DOCK10: variants seen among roughly 807,000 people sequenced by gnomAD.
DOCK10 encodes the protein dedicator of cytokinesis protein 10.
A neutral mutation model predicts 280.1 loss-of-function variants in DOCK10; 145 were observed. The observed-to-expected ratio is 0.52, with a 90% CI of 0.45 to 0.59. The LOEUF (loss-of-function observed/expected upper bound fraction) is 0.59. Ranked by LOEUF, DOCK10 falls within the 20% of genes least tolerant of loss-of-function variation. DOCK10 has a pLI of 0.00. For synonymous variants in DOCK10, 915 were observed against 942.2 expected, an observed-to-expected ratio of 0.97 and a Z score of 0.53; for missense variants, 2,368 against 2,651.7, an observed-to-expected ratio of 0.89 and a Z score of 2.35.
rs114400418 is a variant in DOCK10, at chr2:224,779,068, A to C, written c.5656-784T>G. The stretch of plus-strand genomic sequence containing the variant: ...TATTTGTCTGGTTTGAAGCAGGGGG[A>C]AGGGAAGATTCTATTAGCTGCAGAT... On this transcript the variant is annotated intron_variant, in intron 50 of 55. Transcript: ENST00000258390. Among the ~76,000 whole-genome samples the C allele has an allele frequency of 3.2e-3, 486 of 152,098 alleles. 1 individual carries two copies. Among genetic ancestry groups the C allele is most frequent in the African/African-American group, 0.01 (431 of 41,470 alleles).
chr2:224,886,609 T>C, intron 4 of DOCK10, 78 bp from the exon 5 acceptor site: 1 of 1,111,228 alleles, frequency 9.0e-7, no homozygotes, highest in Non-Finnish European at 1.3e-6. Flanking sequence ...CAGGTAACAA[T>C]AACAACTATG....
chr2:224,983,643 A>G (rs1327736692), intron 1 of DOCK10: 3 of 403,236 alleles, frequency 7.4e-6, no homozygotes, highest in African/African-American at 6.3e-5. Context: ...AGCATCTAGC[A>G]TGATGCTCAA....
At chr2:224,940,236 T>C (rs1702953123) in intron 1 of DOCK10, among the ~76,000 whole-genome samples, 1 of 152,220 alleles carries the variant, frequency 6.6e-6, no homozygotes, top group Non-Finnish European at 1.5e-5. Flanking sequence ...CATTTCCCAC[T>C]GTTCTGAGCT....
intron 27 of DOCK10, among the ~76,000 whole-genome samples, chr2:224,827,286 A>C (rs1694932988): frequency 6.6e-6 from 1 of 151,824 alleles, no homozygotes; most frequent in South Asian, 2.1e-4. Flanking sequence ...AAAAGTAAAG[A>C]AAAAAGATGA....
At chr2:224,792,663 A>G (rs1692280073) in intron 47 of DOCK10, among the ~76,000 whole-genome samples, 1 of 152,240 alleles carries the variant, frequency 6.6e-6, no homozygotes, top group Admixed American at 6.5e-5. Flanking sequence ...ACAATTTACC[A>G]ATTTCAGAAT....
chr2:224,934,327 A>G (rs887153356), intron 1 of DOCK10, among the ~76,000 whole-genome samples: 2 of 152,200 alleles, frequency 1.3e-5, no homozygotes, highest in African/African-American at 4.8e-5. Flanking sequence ...CAGCAGATCT[A>G]CTTCATGTAA....
At chr2:224,867,073 A>AACACACAC (rs1418132537) in intron 11 of DOCK10, among the ~76,000 whole-genome samples, 1 of 116,178 alleles carries the variant, frequency 8.6e-6, no homozygotes, top group African/African-American at 3.7e-5. Context: ...AGAGCTAAGA[A>AACACACAC]ATACACACAC....
chr2:225,014,582 CT>C (rs896460264), intron 1 of DOCK10, among the ~76,000 whole-genome samples: 18 of 151,624 alleles, frequency 1.2e-4, no homozygotes, highest in African/African-American at 2.7e-4. Flanking sequence ...TTATTTGTGT[CT>C]TTTTTTTCCC....
chr2:224,947,273 G>T (rs869062), intron 1 of DOCK10, among the ~76,000 whole-genome samples: 1 of 151,974 alleles, frequency 6.6e-6, no homozygotes, highest in Non-Finnish European at 1.5e-5. Flanking sequence ...AAAACCACCC[G>T]TGCAACCAAA....
intron 1 of DOCK10, among the ~76,000 whole-genome samples, chr2:224,999,967 C>G (rs1209191740): frequency 6.6e-6 from 1 of 152,190 alleles, no homozygotes; most frequent in African/African-American, 2.4e-5. Context: ...CTTCAGACAG[C>G]ATCCTGCCTG....
At chr2:225,035,561 TA>T (rs1458259215) in intron 1 of DOCK10, among the ~76,000 whole-genome samples, 3 of 52,628 alleles carry the variant, frequency 5.7e-5, no homozygotes, top group South Asian at 2.1e-3. Context: ...TATATATATA[TA>T]TATATATATA....
intron 1 of DOCK10, among the ~76,000 whole-genome samples, chr2:224,961,412 CTCTTTCTTTCTTTCTTTCTTTCTT>C (rs561597716): frequency 9.2e-5 from 11 of 119,464 alleles, no homozygotes; most frequent in Admixed American, 1.8e-4. Context: ...TTCTTTCTTT[CTCTTTCTTTCTTTCTTTCTTTCTT>C]TCTTTCTTTC....
chr2:224,921,112 A>AAAAAAAATATAT, intron 2 of DOCK10, among the ~76,000 whole-genome samples: 17 of 54,382 alleles, frequency 3.1e-4, no homozygotes, highest in African/African-American at 2.4e-3. Context: ...AAAAAAAAAA[A>AAAAAAAATATAT]ATATATATAT....
At chr2:224,910,856 CTT>C (rs1345818202) in intron 3 of DOCK10, among the ~76,000 whole-genome samples, 1 of 152,162 alleles carries the variant, frequency 6.6e-6, no homozygotes, top group Non-Finnish European at 1.5e-5. Flanking sequence ...TTCACTTTAT[CTT>C]TATCCTTAAA....
intron 1 of DOCK10, among the ~76,000 whole-genome samples, chr2:224,982,001 G>C (rs930873633): frequency 7.2e-5 from 11 of 152,280 alleles, no homozygotes; most frequent in Admixed American, 2.0e-4. Context: ...AAGCTGTACA[G>C]TTTCATGACA....
intron 1 of DOCK10, among the ~76,000 whole-genome samples, chr2:225,004,227 A>G (rs1286471523): frequency 2.0e-5 from 3 of 152,392 alleles, no homozygotes; most frequent in African/African-American, 7.2e-5. Flanking sequence ...AGCTGGCCGT[A>G]AATCCAATGA....
chr2:224,983,518 T>C, intron 1 of DOCK10: 2 of 197,174 alleles, frequency 1.0e-5, no homozygotes, highest in South Asian at 1.6e-4. Flanking sequence ...GAAAAAAAAA[T>C]GTTTTCTGTG....
At chr2:224,879,775 T>A (rs1221183496) in intron 7 of DOCK10, among the ~76,000 whole-genome samples, 2 of 151,156 alleles carry the variant, frequency 1.3e-5, no homozygotes, top group African/African-American at 2.4e-5. Context: ...AAAAAAAAAA[T>A]TAAAAAAGAA....
At chr2:224,925,192 A>G (rs1461169540) in intron 2 of DOCK10, among the ~76,000 whole-genome samples, 3 of 152,006 alleles carry the variant, frequency 2.0e-5, no homozygotes, top group African/African-American at 7.2e-5. Context: ...GAAAAAAAAA[A>G]AGAAAGAAAA....
Sources: allele counts gnomAD v4.1 joint callset (sites outside exome capture counted in the v4.1 genomes callset), GRCh38; gene constraint gnomAD v4.1.1; transcripts MANE v1.5; gene names NCBI Gene and HGNC (gene_info 2026-07-23, HGNC 2026-07-21).